Variants in ADK observed in about 807,000 individuals in gnomAD.
ADK encodes the protein N6,N6-dimethyladenosine kinase.
Under a neutral mutation model 44.7 loss-of-function variants are expected in ADK, and 24 were observed. The ratio of observed to expected loss-of-function variants is 0.54; its 90% CI spans 0.39 to 0.76. The LOEUF (loss-of-function observed/expected upper bound fraction) is 0.76. Among genes scored for constraint, ADK ranks in the 30% least tolerant of loss-of-function variants. ADK has a pLI of 0.00. For synonymous variants in ADK, 128 were observed against 142.6 expected (o/e 0.90, Z 0.73); for missense variants, 321 against 425.1 (o/e 0.76, Z 2.15).
chr10:74,508,940 T>C (rs960312749), intron 6 of ADK, among the ~76,000 whole-genome samples: 1 of 152,190 alleles, frequency 6.6e-6, no homozygotes, highest in Non-Finnish European at 1.5e-5. Context: ...TTTTATTTTA[T>C]AAGAAACACA....
At chr10:74,157,805 T>C (rs1214402207) in intron 1 of ADK, among the ~76,000 whole-genome samples, 1 of 151,724 alleles carries the variant, frequency 6.6e-6, no homozygotes, top group Non-Finnish European at 1.5e-5. Flanking sequence ...GGCAGGAGAA[T>C]CTCTTGAACC....
intron 7 of ADK, chr10:74,527,475 G>GCATTAATTAAGA: frequency 1.8e-6 from 1 of 548,014 alleles, no homozygotes; most frequent in South Asian, 2.1e-5. Context: ...GGACTTTATA[G>GCATTAATTAAGA]TCACAAATGA....
At chr10:74,559,078 G>A (rs765282037) in intron 7 of ADK, among the ~76,000 whole-genome samples, 1 of 152,220 alleles carries the variant, frequency 6.6e-6, no homozygotes. Context: ...TGGCAGTCTG[G>A]CTTCTTCCCT....
intron 4 of ADK, among the ~76,000 whole-genome samples, chr10:74,366,588 A>T (rs1842505850): frequency 6.6e-6 from 1 of 152,226 alleles, no homozygotes; most frequent in Admixed American, 6.5e-5. Context: ...ACATTTGTAG[A>T]TATGTCATAC....
At chr10:74,620,926 T>G (rs1303827867) in intron 9 of ADK, among the ~76,000 whole-genome samples, 1 of 152,108 alleles carries the variant, frequency 6.6e-6, no homozygotes, top group Non-Finnish European at 1.5e-5. Flanking sequence ...TTTTTACTGT[T>G]GAGATGTTTA....
At chr10:74,264,499 C>CT (rs1424539202) in intron 3 of ADK, among the ~76,000 whole-genome samples, 3 of 152,068 alleles carry the variant, frequency 2.0e-5, no homozygotes, top group African/African-American at 7.2e-5. Flanking sequence ...TTTTAAATTA[C>CT]TGATTTGCAT....
At chr10:74,560,446 T>G (rs1200826255) in intron 7 of ADK, among the ~76,000 whole-genome samples, 1 of 152,228 alleles carries the variant, frequency 6.6e-6, no homozygotes, top group Non-Finnish European at 1.5e-5. Context: ...CATTGCTGAC[T>G]GTACAATCTA....
chr10:74,497,994 A>G (rs994156270), intron 6 of ADK, among the ~76,000 whole-genome samples: 3 of 150,836 alleles, frequency 2.0e-5, no homozygotes, highest in African/African-American at 7.3e-5. Context: ...GGTTCATGCC[A>G]TTCTCCTGCC....
chr10:74,337,497 A>C (rs1326024032), intron 4 of ADK, among the ~76,000 whole-genome samples: 1 of 152,206 alleles, frequency 6.6e-6, no homozygotes, highest in African/African-American at 2.4e-5. Flanking sequence ...GGTCCAAAGG[A>C]TACTGTACAG....
intron 6 of ADK, among the ~76,000 whole-genome samples, chr10:74,494,607 A>G (rs2133413620): frequency 6.6e-6 from 1 of 152,178 alleles, no homozygotes; most frequent in African/African-American, 2.4e-5. Context: ...TAATTTGTAA[A>G]GGTAATTATA....
intron 6 of ADK, among the ~76,000 whole-genome samples, chr10:74,403,975 C>A (rs993433636): frequency 1.3e-5 from 2 of 152,086 alleles, no homozygotes; most frequent in African/African-American, 4.8e-5. Flanking sequence ...GGGTTCACAC[C>A]ATTCTCCTTG....
chr10:74,331,994 C>T (rs1841234655), intron 4 of ADK, among the ~76,000 whole-genome samples: 1 of 152,126 alleles, frequency 6.6e-6, no homozygotes, highest in South Asian at 2.1e-4. Flanking sequence ...GCTGGGATTA[C>T]AGGCTTCTGC....
In ADK at chr10:74,541,249, A is replaced by T. The variant is rs1849616613; in HGVS notation, c.726+15823A>T. 6.6e-5 allele frequency among the ~76,000 whole-genome samples: 10 copies of T among 152,170 alleles called. No individual in the cohort carries two copies. In the South Asian group the frequency reaches 2.1e-3, roughly 32 times the overall value. Reference sequence around the variant, plus strand: ...ATGCTGGTCTCGAACTCCTGACCTCAGGTGATTGGCCTGCCTTGGCCTCGC... The same window carrying T: ...ATGCTGGTCTCGAACTCCTGACCTCTGGTGATTGGCCTGCCTTGGCCTCGC... On this transcript the variant is annotated intron_variant, in intron 7 of 10. Coordinates refer to ENST00000539909, the MANE Select transcript of ADK (RefSeq NM_006721.4).
chr10:74,483,321 G>A (rs964429111), intron 6 of ADK, among the ~76,000 whole-genome samples: 10 of 152,162 alleles, frequency 6.6e-5, no homozygotes, highest in Admixed American at 1.3e-4. Context: ...GACGCAGGGA[G>A]CAGTATCAAG....
chr10:74,588,344 A>G (rs767133228), intron 7 of ADK, among the ~76,000 whole-genome samples: 6 of 152,256 alleles, frequency 3.9e-5, no homozygotes, highest in South Asian at 2.1e-4. Flanking sequence ...GCTGGTTTGT[A>G]TAAACCAATT....
chr10:74,398,833 A>T (rs1175669079), intron 6 of ADK, among the ~76,000 whole-genome samples: 3 of 152,082 alleles, frequency 2.0e-5, no homozygotes, highest in Non-Finnish European at 4.4e-5. Flanking sequence ...TTGCCAACCA[A>T]GCGCAGAATT....
chr10:74,706,722 C>G (rs1368806255), intron 10 of ADK, among the ~76,000 whole-genome samples: 1 of 152,070 alleles, frequency 6.6e-6, no homozygotes, highest in Non-Finnish European at 1.5e-5. Flanking sequence ...TTTTGCTAAC[C>G]TAGGTCCTTT....
intron 2 of ADK, among the ~76,000 whole-genome samples, chr10:74,207,594 G>T (rs1231725670): frequency 6.6e-6 from 1 of 152,186 alleles, no homozygotes; most frequent in African/African-American, 2.4e-5. Context: ...GAGACCCCGA[G>T]GGGGTAACTC....
At chr10:74,418,513 C>G (rs1844450549) in intron 6 of ADK, among the ~76,000 whole-genome samples, 1 of 152,128 alleles carries the variant, frequency 6.6e-6, no homozygotes, top group Non-Finnish European at 1.5e-5. Flanking sequence ...AATCAAGGTC[C>G]TGAGGCGATT....
Sources: allele counts gnomAD v4.1 joint callset (sites outside exome capture counted in the v4.1 genomes callset), GRCh38; gene constraint gnomAD v4.1.1; transcripts MANE v1.5; gene names NCBI Gene and HGNC (gene_info 2026-07-23, HGNC 2026-07-21).